The following RAI14 variants were observed in gnomAD, a reference collection of about 807,000 sequenced individuals.
RAI14 encodes ankycorbin.
In RAI14, 45 loss-of-function variants were observed where a neutral mutation model predicts 115.4. That is an observed-to-expected ratio of 0.39 (90% confidence interval 0.31 to 0.50). RAI14 has a LOEUF of 0.50. Among genes scored for constraint, RAI14 ranks in the 20% least tolerant of loss-of-function variants. The pLI, the probability that RAI14 is intolerant of heterozygous loss-of-function variation, is 0.85. For synonymous variants in RAI14, 371 were observed against 415.4 expected (o/e 0.89, Z 1.30); for missense variants, 939 against 1,131.2 (o/e 0.83, Z 2.44).
chr5:34,732,810 A>G (rs1419202375), intron 2 of RAI14, among the ~76,000 whole-genome samples: 1 of 149,192 alleles, frequency 6.7e-6, no homozygotes, highest in Non-Finnish European at 1.5e-5. Flanking sequence ...TTATGTATAT[A>G]TATAATATGT....
intron 3 of RAI14, among the ~76,000 whole-genome samples, chr5:34,763,755 G>A (rs1191842726): frequency 2.0e-5 from 3 of 152,180 alleles, no homozygotes; most frequent in South Asian, 2.1e-4. Context: ...ATATGAGGTC[G>A]GCCTTGTAGA....
At chr5:34,747,086 C>A (rs1272898221) in intron 2 of RAI14, among the ~76,000 whole-genome samples, 1 of 152,212 alleles carries the variant, frequency 6.6e-6, no homozygotes, top group Non-Finnish European at 1.5e-5. Context: ...TCTTCCCAGT[C>A]TCAGTTATGT....
rs112487466 is a variant in RAI14, at chr5:34,827,591, G to A, written c.2799+1112G>A. On this transcript the variant is annotated intron_variant, in intron 16 of 17. Transcript: ENST00000265109. The surrounding 1 kb of genome is among the most constrained non-coding windows in gnomAD (Gnocchi z 4.2). ...GGTTTCTGCAGTCCTTACTCTGGCT[G>A]GCCACAAAGTTCAATGCTAGCTTTG... Among the ~76,000 whole-genome samples the A allele has an allele frequency of 2.0e-5, 3 of 152,278 alleles. No homozygotes were observed. The highest frequency in any genetic ancestry group is 7.2e-5 in the African/African-American group (3 of 41,560).
At chr5:34,766,239 A>G (rs112841602) in intron 3 of RAI14, among the ~76,000 whole-genome samples, 1 of 152,076 alleles carries the variant, frequency 6.6e-6, no homozygotes, top group Admixed American at 6.5e-5. Context: ...AGAGGGCCAC[A>G]ATCCTCCAGC....
At chr5:34,702,446 G>A (rs13180209) in intron 2 of RAI14, among the ~76,000 whole-genome samples, 25 of 151,918 alleles carry the variant, frequency 1.6e-4, no homozygotes, top group Admixed American at 1.6e-3. Flanking sequence ...AGCCCCTCAC[G>A]CCAGCCTGGG....
chr5:34,739,654 A>C (rs1286137068), intron 2 of RAI14, among the ~76,000 whole-genome samples: 1 of 152,188 alleles, frequency 6.6e-6, no homozygotes. Flanking sequence ...TGTTAAGCCC[A>C]GTGTTCTGCT....
In RAI14 at chr5:34,823,110, C is replaced by T. The variant is rs754180754; in HGVS notation, c.1268C>T (p.Ser423Phe). The change falls in exon 15 of 18, where the codon TCC becomes TTC. Residue 423 changes from serine (S) to phenylalanine (F), a missense_variant. Coordinates refer to ENST00000265109, the MANE Select transcript of RAI14 (RefSeq NM_015577.3). This position sits in a 1 kb window ranked among gnomAD's most constrained non-coding sequence, Gnocchi z 4.5. ...PSVLIHSLGKSTTDNDVRIQQ... is the reference protein window; with the variant it reads ...PSVLIHSLGKFTTDNDVRIQQ... ...GTCTTAATACATTCTTTAGGTAAATCCACTACTGACAATGATGTCAGAATT... is the reference window on the plus strand; with the variant it reads ...GTCTTAATACATTCTTTAGGTAAATTCACTACTGACAATGATGTCAGAATT... 16 of 1,612,552 alleles carry T rather than the reference C, an allele frequency of 9.9e-6. No individual in the cohort carries two copies. Among genetic ancestry groups the T allele is most frequent in the Non-Finnish European group, 1.4e-5 (16 of 1,178,720 alleles).
chr5:34,784,341 G>T lies in RAI14; in HGVS notation c.168-11598G>T, dbSNP rs190364567. On this transcript the variant is annotated intron_variant, in intron 3 of 17. Coordinates refer to ENST00000265109, the MANE Select transcript of RAI14 (RefSeq NM_015577.3). ...AAAGACATTTTCAGCACCTTCAATTGGTTTAAATTTAGTTATACTAGGGAG... is the reference window on the plus strand; with the variant it reads ...AAAGACATTTTCAGCACCTTCAATTTGTTTAAATTTAGTTATACTAGGGAG... Among the ~76,000 whole-genome samples the T allele has an allele frequency of 8.0e-4, 121 of 152,142 alleles. 1 individual carries two copies. The highest frequency in any genetic ancestry group is 2.8e-3 in the African/African-American group (115 of 41,496).
At chr5:34,769,233 C>T (rs1749826791) in intron 3 of RAI14, among the ~76,000 whole-genome samples, 2 of 152,130 alleles carry the variant, frequency 1.3e-5, no homozygotes, top group African/African-American at 4.8e-5. Flanking sequence ...CTTTCTGCTA[C>T]ATCAGTTCCT....
chr5:34,768,187 G>A (rs1422325271), intron 3 of RAI14, among the ~76,000 whole-genome samples: 6 of 144,586 alleles, frequency 4.1e-5, no homozygotes, highest in Admixed American at 1.5e-4. Flanking sequence ...TGGATGTGAG[G>A]GACTCTGTGA....
At chr5:34,798,835 T>C (rs1753852647) in intron 4 of RAI14, among the ~76,000 whole-genome samples, 1 of 152,208 alleles carries the variant, frequency 6.6e-6, no homozygotes, top group Non-Finnish European at 1.5e-5. Flanking sequence ...GGGAACCAAT[T>C]GAAATTGGTG....
intron 4 of RAI14, among the ~76,000 whole-genome samples, chr5:34,803,068 C>T (rs1343246447): frequency 6.6e-6 from 1 of 152,150 alleles, no homozygotes; most frequent in East Asian, 1.9e-4. Flanking sequence ...CTTATAGACA[C>T]AGGATGTTTG....
At chr5:34,724,760 A>G (rs1224998893) in intron 2 of RAI14, among the ~76,000 whole-genome samples, 4 of 152,192 alleles carry the variant, frequency 2.6e-5, no homozygotes, top group African/African-American at 4.8e-5. Context: ...TTGCACCACA[A>G]TCCTACTCAG....
intron 2 of RAI14, among the ~76,000 whole-genome samples, chr5:34,748,581 G>T (rs1259492877): frequency 6.6e-6 from 1 of 152,148 alleles, no homozygotes; most frequent in African/African-American, 2.4e-5. Context: ...CCTTGCTAGT[G>T]TGTCAATTCA....
At chr5:34,767,585 GCCACCGCCC>G (rs981357214) in intron 3 of RAI14, among the ~76,000 whole-genome samples, 5 of 142,282 alleles carry the variant, frequency 3.5e-5, no homozygotes, top group Non-Finnish European at 7.6e-5. Context: ...CGCTGCCACC[GCCACCGCCC>G]CCACCACCCC....
At chr5:34,789,057 C>T (rs1344147557) in intron 3 of RAI14, among the ~76,000 whole-genome samples, 3 of 152,174 alleles carry the variant, frequency 2.0e-5, no homozygotes, top group Admixed American at 6.5e-5. Context: ...TCTGTAGGCT[C>T]TTTTTATTTA....
At chr5:34,755,072 A>G (rs1242474887) in intron 2 of RAI14, among the ~76,000 whole-genome samples, 1 of 151,790 alleles carries the variant, frequency 6.6e-6, no homozygotes, top group African/African-American at 2.4e-5. Flanking sequence ...GGTAGGGATC[A>G]TTGGTCCTAA....
At chr5:34,804,114 G>A (rs1019581053) in intron 5 of RAI14, among the ~76,000 whole-genome samples, 10 of 152,098 alleles carry the variant, frequency 6.6e-5, no homozygotes, top group African/African-American at 2.4e-4. Flanking sequence ...CTAAGCTGTT[G>A]GAGATCCTTA....
intron 2 of RAI14, among the ~76,000 whole-genome samples, chr5:34,721,291 G>GTATATATATATATATA (rs10538679): frequency 1.5e-5 from 2 of 131,158 alleles, no homozygotes; most frequent in Admixed American, 7.9e-5. Context: ...ATGTAGATGT[G>GTATATATATATATATA]TATATATATA....
Sources: gnomAD v4.1 joint callset for allele counts (sites outside exome capture counted in the v4.1 genomes callset) on GRCh38, gnomAD v4.1.1 for gene constraint, Gnocchi (gnomAD v3.1) non-coding constraint, MANE v1.5 for transcripts, NCBI Gene and HGNC (gene_info 2026-07-23, HGNC 2026-07-21) for gene names.